MAD1L1: variants seen among roughly 807,000 people sequenced by gnomAD.
MAD1L1 encodes mitotic spindle assembly checkpoint protein MAD1.
In MAD1L1, 95 loss-of-function variants were observed where a neutral mutation model predicts 96.9. The observed-to-expected ratio is 0.98, with a 90% CI of 0.83 to 1.16. The LOEUF (loss-of-function observed/expected upper bound fraction) is 1.16, where lower values mean the gene tolerates loss of function less well. Ranked by LOEUF, MAD1L1 falls within the 50% of genes most tolerant of loss-of-function variation. The probability of loss-of-function intolerance (pLI) is 0.00; values close to 1 mark genes in which losing one functional copy is unlikely to be tolerated. For missense variants in MAD1L1, 1,007 were observed against 954.4 expected (o/e 1.06, Z -0.73); for synonymous variants, 473 against 396.6 (o/e 1.19, Z -2.29).
chr7:1,973,693 G>GT (rs1780505318), intron 15 of MAD1L1, among the ~76,000 whole-genome samples: 1 of 152,320 alleles, frequency 6.6e-6, no homozygotes, highest in Admixed American at 6.5e-5. Flanking sequence ...CTGCTGCAGG[G>GT]TGTGGGGAAG....
chr7:2,183,617 C>T (rs1255961544), intron 10 of MAD1L1, among the ~76,000 whole-genome samples: 1 of 152,056 alleles, frequency 6.6e-6, no homozygotes. Flanking sequence ...ATGGATGAAG[C>T]TGGAGACTAT....
intron 18 of MAD1L1, among the ~76,000 whole-genome samples, chr7:1,876,318 C>A (rs1048376949): frequency 2.6e-5 from 4 of 152,056 alleles, no homozygotes; most frequent in African/African-American, 9.7e-5. Flanking sequence ...AGGTCCCGAG[C>A]CCCCCGTCTG....
At chr7:2,023,986 A>G (rs1448413819) in intron 12 of MAD1L1, among the ~76,000 whole-genome samples, 2 of 151,574 alleles carry the variant, frequency 1.3e-5, no homozygotes, top group Non-Finnish European at 2.9e-5. Context: ...AAAACAAAAT[A>G]AATAATAAAA....
chr7:2,015,465 G>A (rs1170848554), intron 12 of MAD1L1, among the ~76,000 whole-genome samples: 4 of 152,204 alleles, frequency 2.6e-5, no homozygotes, highest in Non-Finnish European at 4.4e-5. Flanking sequence ...CAGGGGCCCC[G>A]GGAGCTGTGT....
At chr7:2,109,693 T>C (rs951120185) in intron 11 of MAD1L1, 4 of 152,256 alleles carry the variant, frequency 2.6e-5, no homozygotes, top group African/African-American at 9.6e-5. Flanking sequence ...TCTGTGTTTT[T>C]ATAGCATTAT....
At chr7:2,105,761 C>A (rs1375278193) in intron 11 of MAD1L1, among the ~76,000 whole-genome samples, 5 of 152,102 alleles carry the variant, frequency 3.3e-5, no homozygotes, top group Admixed American at 3.3e-4. Flanking sequence ...AAAGTCCAGG[C>A]ACGTGAGACG....
chr7:2,011,635 C>A (rs1188770935), intron 13 of MAD1L1, among the ~76,000 whole-genome samples: 3 of 152,186 alleles, frequency 2.0e-5, no homozygotes, highest in Admixed American at 6.5e-5. Flanking sequence ...GAGGAAAGAG[C>A]TGACGCGGAG....
chr7:1,974,694 GAC>G (rs1780552072), intron 15 of MAD1L1, among the ~76,000 whole-genome samples: 2 of 152,234 alleles, frequency 1.3e-5, no homozygotes, highest in Non-Finnish European at 2.9e-5. Flanking sequence ...TCAGAAAGAA[GAC>G]ACAGAAAACA....
At chr7:2,018,756 A>G (rs1459618053) in intron 12 of MAD1L1, among the ~76,000 whole-genome samples, 1 of 151,424 alleles carries the variant, frequency 6.6e-6, no homozygotes, top group Non-Finnish European at 1.5e-5. Flanking sequence ...TTCCTCCCTC[A>G]CCCAGCCTCC....
In MAD1L1 at chr7:1,840,759, G is replaced by C. The variant is rs553665959; in HGVS notation, c.1999-24531C>G. Among the ~76,000 whole-genome samples, 4 of 152,318 alleles carry C rather than the reference G, an allele frequency of 2.6e-5. No individual in the cohort carries two copies. The South Asian group carries it at 8.3e-4, about 32-fold the overall frequency. ...AAAACAAAACAATAAAACAGCAACA[G>C]CAGTTCAGGGCTCCTGCAGTTCAAG... On this transcript the variant is annotated intron_variant, in intron 18 of 18. Transcript: ENST00000265854.
At chr7:2,052,893 G>A (rs1323041292) in intron 12 of MAD1L1, among the ~76,000 whole-genome samples, 1 of 151,920 alleles carries the variant, frequency 6.6e-6, no homozygotes, top group Non-Finnish European at 1.5e-5. Context: ...TGGGGAGATA[G>A]GAAGCCATGT....
chr7:1,931,535 G>C (rs1188077784), intron 17 of MAD1L1, among the ~76,000 whole-genome samples: 1 of 152,174 alleles, frequency 6.6e-6, no homozygotes, highest in East Asian at 1.9e-4. Context: ...GATCATGTCG[G>C]TATTAACTGC....
rs112027282 is a variant in MAD1L1 at position 2,050,093 on chromosome 7, G to C, written c.1218+19101C>G. Among the ~76,000 whole-genome samples, 90 of 58,580 alleles carry C rather than the reference G, an allele frequency of 1.5e-3. 1 individual carries two copies. Among genetic ancestry groups the C allele is most frequent in the African/African-American group, 2.9e-3 (32 of 10,978 alleles). 38.4% of individuals were successfully genotyped at this position (58,580 alleles called of 152,430 possible). ...ACACGTTCACGGGGCACCTCACCCA[G>C]CGTCTGCGGGCACCAGACCACACGT... On this transcript the variant is annotated intron_variant, in intron 12 of 18. Transcript: ENST00000265854.
intron 17 of MAD1L1, among the ~76,000 whole-genome samples, chr7:1,918,509 G>T (rs556087691): frequency 6.6e-6 from 1 of 152,300 alleles, no homozygotes; most frequent in African/African-American, 2.4e-5. Flanking sequence ...ACGGCATGGG[G>T]GGCGCCCAGT....
intron 10 of MAD1L1, among the ~76,000 whole-genome samples, chr7:2,198,132 T>C (rs1009056167): frequency 6.6e-6 from 1 of 151,956 alleles, no homozygotes; most frequent in African/African-American, 2.4e-5. Context: ...TTTTTATTTT[T>C]AAAAATAGAG....
chr7:1,851,386 C>T (rs1783969685), intron 18 of MAD1L1, among the ~76,000 whole-genome samples: 1 of 152,172 alleles, frequency 6.6e-6, no homozygotes, highest in African/African-American at 2.4e-5. Flanking sequence ...TCACGGGAAA[C>T]CCCGACAGGG....
intron 10 of MAD1L1, among the ~76,000 whole-genome samples, chr7:2,150,566 C>T (rs918450835): frequency 6.6e-6 from 1 of 152,202 alleles, no homozygotes; most frequent in Non-Finnish European, 1.5e-5. Context: ...TCTGGCCACC[C>T]CCACGCCCCT....
At chr7:2,012,998 C>T (rs1782370617) in intron 13 of MAD1L1, among the ~76,000 whole-genome samples, 1 of 152,250 alleles carries the variant, frequency 6.6e-6, no homozygotes, top group South Asian at 2.1e-4. Context: ...CTCCCTGAGA[C>T]CCTCCATTAC....
At chr7:1,998,430 G>A (rs1049661779) in intron 14 of MAD1L1, among the ~76,000 whole-genome samples, 1 of 152,228 alleles carries the variant, frequency 6.6e-6, no homozygotes, top group African/African-American at 2.4e-5. Flanking sequence ...GGCTTGGCCT[G>A]TGCTCAGACA....
Sources: gnomAD v4.1 joint callset for allele counts (sites outside exome capture counted in the v4.1 genomes callset) on GRCh38, gnomAD v4.1.1 for gene constraint, MANE v1.5 for transcripts, NCBI Gene and HGNC (gene_info 2026-07-23, HGNC 2026-07-21) for gene names.